The following PRR12 variants were observed in gnomAD, a reference collection of about 807,000 sequenced individuals.
The protein encoded by PRR12 is proline rich 12.
A neutral mutation model predicts 138.0 loss-of-function variants in PRR12; 12 were observed. The observed-to-expected ratio is 0.09, with a 90% CI of 0.06 to 0.14. The LOEUF (loss-of-function observed/expected upper bound fraction) is 0.14. Ranked by LOEUF, PRR12 falls within the 10% of genes least tolerant of loss-of-function variation. The pLI is 1.00. For missense variants in PRR12, 2,692 were observed against 2,861.3 expected, an observed-to-expected ratio of 0.94 and a Z score of 1.35; for synonymous variants, 1,567 against 1,291.7, an observed-to-expected ratio of 1.21 and a Z score of -4.57.
At chr19:49,621,684 C>A in intron 11 of PRR12, 62 bp downstream of exon 11, 1 of 1,335,438 alleles carries the variant, frequency 7.5e-7, no homozygotes, top group Non-Finnish European at 1.0e-6. Flanking sequence ...AAGACATGTA[C>A]GTGTCGGCCG....
Position 49,593,459 on chromosome 19 carries a change from C to CAAAGCGGGG in PRR12, c.199+20_199+21insAAAGCGGGG. 7.8e-7 allele frequency: 1 copy of CAAAGCGGGG among 1,284,666 alleles called. No individual in the cohort carries two copies. The highest frequency in any genetic ancestry group is 1.1e-6 in the Non-Finnish European group (1 of 895,090). The allele number at this position is 1,284,666 out of a possible 1,614,324, so 79.6% of individuals were successfully genotyped here. Reference sequence around the variant, plus strand: ...CGGCAGGTACGGCCCCCATCCCGCCCCGCTTTGGGCTGGCCCTCCCCCTCC... The same window carrying CAAAGCGGGG: ...CGGCAGGTACGGCCCCCATCCCGCCCAAAGCGGGGCGCTTTGGGCTGGCCCTCCCCCTCC... On this transcript the variant is annotated intron_variant, in intron 2 of 13. Coordinates refer to ENST00000418929, the MANE Select transcript of PRR12 (RefSeq NM_020719.3).
Position 49,596,385 on chromosome 19 carries a change from C to G in PRR12, c.2050C>G (p.Pro684Ala). 1 of 1,602,692 alleles carries G rather than the reference C, an allele frequency of 6.2e-7. No individual in the cohort carries two copies. The highest frequency in any genetic ancestry group is 1.1e-5 in the South Asian group (1 of 90,284). Reference sequence around the variant, plus strand: ...GGGGAGTGGCGGGGCCGGGGGACCACCGGGTACACCCTACGAGTTGGCCAA... The same window carrying G: ...GGGGAGTGGCGGGGCCGGGGGACCAGCGGGTACACCCTACGAGTTGGCCAA... ...LGGSGGAGGP[P>A]GTPYELAKED... Residue 684 changes from proline (P) to alanine (A), a missense_variant, in exon 4 of 14, where the codon CCG becomes GCG. Physicochemically the swap from Pro to Ala is conservative, Grantham distance 27 (BLOSUM62 -1). Coordinates refer to ENST00000418929, the MANE Select transcript of PRR12 (RefSeq NM_020719.3). The surrounding 1 kb of genome is among the most constrained non-coding windows in gnomAD (Gnocchi z 5.6).
chr19:49,591,725 G>A lies in PRR12; in HGVS notation c.71G>A (p.Arg24Lys), dbSNP rs1289037017. 4.0e-6 allele frequency: 6 copies of A among 1,502,418 alleles called. No homozygotes were observed. In the Admixed American group the frequency reaches 1.1e-4, roughly 28 times the overall value. 93.1% of individuals were successfully genotyped at this position (1,502,418 alleles called of 1,614,324 possible). ...GCCGGGGCGGGATGGAGTTACGAGA[G>A]GTCAGCGAAAGCTAGGTAAGGAGCT... ...LGAGAGWSYE[R>K]SAKASLVYGS... The change falls in exon 1 of 14, where the codon AGG becomes AAG. Residue 24 changes from arginine to lysine, a missense_variant. This residue lies in a region of PRR12 where 211 missense variants were observed against 266.3 expected (regional missense o/e 0.79). Coordinates refer to ENST00000418929, the MANE Select transcript of PRR12 (RefSeq NM_020719.3).
In PRR12 at chr19:49,615,735, G is replaced by T; in HGVS notation, c.5025-12G>T. The T allele has an allele frequency of 6.2e-7, 1 of 1,608,964 alleles. No individual in the cohort carries two copies. Among genetic ancestry groups the T allele is most frequent in the Non-Finnish European group, 8.5e-7 (1 of 1,177,080 alleles). ...GGCTGCTGACTACAGTCCCTTCTCT[G>T]TTCCCTTCTAGACGCTCTGGGCAGG... On this transcript the variant is annotated splice_polypyrimidine_tract_variant and intron_variant, in intron 8 of 13. Transcript: ENST00000418929.
chr19:49,598,084 T>A, intron 4 of PRR12, 71 bp downstream of exon 4: 1 of 1,259,186 alleles, frequency 7.9e-7, no homozygotes, highest in Non-Finnish European at 9.9e-7. Context: ...TCTTTTTTTT[T>A]TTTTTTTGAG....
chr19:49,614,729 GT>G lies in PRR12; in HGVS notation c.4890+81del. ...AGCTGGGGTTCCCCTTAGTGTGGCT[GT>G]GACTCACTCCACAGTGTATCTGGAA... On this transcript the variant is annotated intron_variant, in intron 7 of 13. Transcript: ENST00000418929. This position sits in a 1 kb window ranked among gnomAD's most constrained non-coding sequence, Gnocchi z 5.0. 1 of 1,474,258 alleles carries G rather than the reference GT, an allele frequency of 6.8e-7. No individual in the cohort carries two copies. The highest frequency in any genetic ancestry group is 1.2e-5 in the South Asian group (1 of 80,460). The allele number at this position is 1,474,258 out of a possible 1,614,324, so 91.3% of individuals were successfully genotyped here. A position where few individuals can be genotyped will look rare whatever the true frequency, so the allele number is the denominator to read the frequency against.
Position 49,625,315 on chromosome 19 carries a change from C to T in PRR12, c.5964+115C>T. On this transcript the variant is annotated intron_variant, in intron 13 of 13. Coordinates refer to ENST00000418929, the MANE Select transcript of PRR12 (RefSeq NM_020719.3). The surrounding 1 kb of genome is among the most constrained non-coding windows in gnomAD (Gnocchi z 5.5). The stretch of plus-strand genomic sequence containing the variant: ...TGCCTCAGACCCAAGAGTTCAGGTC[C>T]TTCTGTCTTGGACTTAAGAATGCAG... 6.9e-7 allele frequency: 1 copy of T among 1,454,582 alleles called. No individual in the cohort carries two copies. Among genetic ancestry groups the T allele is most frequent in the Non-Finnish European group, 9.4e-7 (1 of 1,060,370 alleles). The allele number at this position is 1,454,582 out of a possible 1,614,324, so 90.1% of individuals were successfully genotyped here.
intron 9 of PRR12, among the ~76,000 whole-genome samples, chr19:49,619,730 C>T (rs528706116): frequency 3.5e-4 from 52 of 150,614 alleles, no homozygotes; most frequent in African/African-American, 1.1e-3. Context: ...TTAGTAGAGA[C>T]GGGGTTTCTC....
chr19:49,593,745 C>G (rs2080745701), intron 2 of PRR12, among the ~76,000 whole-genome samples: 1 of 152,204 alleles, frequency 6.6e-6, no homozygotes, highest in Non-Finnish European at 1.5e-5. Flanking sequence ...AATTCTTTCC[C>G]TCTGGGTTTG....
In PRR12 at chr19:49,595,825, A is replaced by G. The variant is rs1391690330; in HGVS notation, c.1490A>G (p.Tyr497Cys). The change falls in exon 4 of 14, where the codon TAC (tyrosine) becomes TGC (cysteine). Residue 497 changes from tyrosine to cysteine, a missense_variant. By Grantham distance (194) the Tyr-to-Cys change is radical. This residue lies in a region of PRR12 where 523 missense variants were observed against 496.4 expected (regional missense o/e 1.05). Coordinates refer to ENST00000418929, the MANE Select transcript of PRR12 (RefSeq NM_020719.3). ...CCTGGCCTGGCCACATGTCAGAGCT[A>G]CTCCCCGGACCAGCTGCAGGGGCAG... ...PPPGLATCQS[Y>C]SPDQLQGQLY... The G allele has an allele frequency of 6.3e-7, 1 of 1,598,238 alleles. No individual in the cohort carries two copies. The highest frequency in any genetic ancestry group is 1.7e-5 in the Admixed American group (1 of 58,730).
intron 11 of PRR12, among the ~76,000 whole-genome samples, chr19:49,622,926 TATAGAGAGAGAGAG>T (rs1235335366): frequency 3.4e-5 from 3 of 87,484 alleles, no homozygotes; most frequent in Admixed American, 3.3e-4. Flanking sequence ...TATATATATA[TATAGAGAGAGAGAG>T]AGAGAGAGAG....
chr19:49,611,164 A>C (rs1261717989), intron 6 of PRR12, among the ~76,000 whole-genome samples: 3 of 152,070 alleles, frequency 2.0e-5, no homozygotes, highest in Admixed American at 6.6e-5. Context: ...TGCCACAAAA[A>C]ATACAAAAAT....
At chr19:49,612,735 G>A (rs1208082380) in intron 6 of PRR12, among the ~76,000 whole-genome samples, 1 of 152,010 alleles carries the variant, frequency 6.6e-6, no homozygotes, top group African/African-American at 2.4e-5. Context: ...TGTGATCTCA[G>A]CTCACTGCAA....
rs74255084 is a variant in PRR12, at chr19:49,606,944, T to C, written c.4773+5026T>C. ...GAAAAACAGCAATCCAATATAAATA[T>C]CACCTGAGCCATATATGTGATTTTA... On this transcript the variant is annotated intron_variant, in intron 6 of 13. Coordinates refer to ENST00000418929, the MANE Select transcript of PRR12 (RefSeq NM_020719.3). Among the ~76,000 whole-genome samples, 6 of 152,070 alleles carry C rather than the reference T, an allele frequency of 3.9e-5. No individual in the cohort carries two copies. The East Asian group carries it at 1.2e-3, about 29-fold the overall frequency.
At chr19:49,598,222 C>A (rs534809435) in intron 4 of PRR12, among the ~76,000 whole-genome samples, 1 of 151,888 alleles carries the variant, frequency 6.6e-6, no homozygotes, top group Non-Finnish European at 1.5e-5. Flanking sequence ...TACAGTTGCC[C>A]GCCACCACGC....
chr19:49,593,899 G>A (rs2080746919), intron 2 of PRR12, among the ~76,000 whole-genome samples: 1 of 152,100 alleles, frequency 6.6e-6, no homozygotes, highest in South Asian at 2.1e-4. Context: ...TTGCCTCCAA[G>A]GTTTCTGATT....
rs775520549 is a variant in PRR12, at chr19:49,599,978, G to A, written c.4345+40G>A. ...GGTGGTCTGGGAGTAGAGCTTAAAG[G>A]TTATTATGATCACTAGGTAACAGTT... On this transcript the variant is annotated intron_variant, in intron 5 of 13. Coordinates refer to ENST00000418929, the MANE Select transcript of PRR12 (RefSeq NM_020719.3). This position sits in a 1 kb window ranked among gnomAD's most constrained non-coding sequence, Gnocchi z 5.0. 1 of 1,520,798 alleles carries A rather than the reference G, an allele frequency of 6.6e-7. No homozygotes were observed. 94.2% of individuals were successfully genotyped at this position (1,520,798 alleles called of 1,614,324 possible). A position where few individuals can be genotyped will look rare whatever the true frequency, so the allele number is the denominator to read the frequency against.
At chr19:49,609,094 G>A (rs976968967) in intron 6 of PRR12, among the ~76,000 whole-genome samples, 2 of 151,920 alleles carry the variant, frequency 1.3e-5, no homozygotes, top group Non-Finnish European at 2.9e-5. Flanking sequence ...TGGGTGAATC[G>A]CTTGCGCTCA....
Position 49,595,866 on chromosome 19 carries a change from G to A in PRR12, c.1531G>A (p.Gly511Ser), listed in dbSNP as rs1221194383. ...GCAGGGGCAGCTGTATGGGGTGCAGGGCGAGCCATACCCAGGGCCAGCCGC... is the reference window on the plus strand; with the variant it reads ...GCAGGGGCAGCTGTATGGGGTGCAGAGCGAGCCATACCCAGGGCCAGCCGC... ...QLQGQLYGVQ[G>S]EPYPGPAAHS... The change falls in exon 4 of 14, where the codon GGC (glycine) becomes AGC (serine). Residue 511 changes from glycine to serine, a missense_variant. Gly to Ser is a moderately conservative substitution (Grantham distance 56). This residue lies in a region of PRR12 where 523 missense variants were observed against 496.4 expected (regional missense o/e 1.05). Transcript: ENST00000418929. 4.4e-6 allele frequency: 7 copies of A among 1,602,240 alleles called. No individual in the cohort carries two copies. Among genetic ancestry groups the A allele is most frequent in the Middle Eastern group, 1.6e-4 (1 of 6,076 alleles).
Sources: gnomAD v4.1 joint callset for allele counts (sites outside exome capture counted in the v4.1 genomes callset) on GRCh38, gnomAD v4.1.1 for gene constraint, gnomAD v4.1.1 regional missense constraint, Gnocchi (gnomAD v3.1) non-coding constraint, MANE v1.5 for transcripts, NCBI Gene and HGNC (gene_info 2026-07-23, HGNC 2026-07-21) for gene names.